The following CHN2 variants were observed in gnomAD, a reference collection of about 807,000 sequenced individuals.
CHN2 encodes chimerin 2.
Under a neutral mutation model 56.3 loss-of-function variants are expected in CHN2, and 35 were observed. The observed-to-expected ratio is 0.62, with a 90% CI of 0.47 to 0.82. The LOEUF (loss-of-function observed/expected upper bound fraction) is 0.82. Among genes scored for constraint, CHN2 ranks in the 40% least tolerant of loss-of-function variants. CHN2 has a pLI of 0.00. For synonymous variants in CHN2, 210 were observed against 212.8 expected, an observed-to-expected ratio of 0.99 and a Z score of 0.12; for missense variants, 491 against 580.5, an observed-to-expected ratio of 0.85 and a Z score of 1.58.
Position 29,400,583 on chromosome 7 carries a change from G to A in CHN2, c.331G>A (p.Gly111Arg), listed in dbSNP as rs751272925. 1.1e-5 allele frequency: 17 copies of A among 1,614,014 alleles called. No homozygotes were observed. Among genetic ancestry groups the A allele is most frequent in the Non-Finnish European group, 1.4e-5 (16 of 1,180,046 alleles). Residue 111 changes from glycine to arginine, a missense_variant, in exon 6 of 13, where the codon GGG (glycine) becomes AGG (arginine). Physicochemically the swap from Gly to Arg is moderately radical, Grantham distance 125 (BLOSUM62 -2). Coordinates refer to ENST00000222792, the MANE Select transcript of CHN2 (RefSeq NM_004067.4). ...QTLNYRLFHD[G>R]KHFVGEKRFE... ...CTTAAACTACAGGCTCTTCCACGAC[G>A]GGAAACACTTTGTGGGTGAGAAGAG...
At chr7:29,162,158 A>G (rs1293116420) in intron 2 of CHN2, among the ~76,000 whole-genome samples, 1 of 152,232 alleles carries the variant, frequency 6.6e-6, no homozygotes, top group African/African-American at 2.4e-5. Flanking sequence ...ACTGAACAAC[A>G]GTACCTCTGG....
intron 1 of CHN2, among the ~76,000 whole-genome samples, chr7:29,211,961 A>C (rs116808135): frequency 6.6e-6 from 1 of 152,178 alleles, no homozygotes; most frequent in African/African-American, 2.4e-5. Flanking sequence ...TTACCATCCA[A>C]CTTCAACAAT....
chr7:29,433,646 G>A (rs1423652976), intron 6 of CHN2, among the ~76,000 whole-genome samples: 2 of 152,080 alleles, frequency 1.3e-5, no homozygotes, highest in Admixed American at 6.5e-5. Context: ...AGACCAGCCT[G>A]GACAACATGG....
intron 6 of CHN2, among the ~76,000 whole-genome samples, chr7:29,462,115 A>C (rs1486404200): frequency 6.6e-6 from 1 of 152,250 alleles, no homozygotes; most frequent in African/African-American, 2.4e-5. Context: ...GCCAAAATAC[A>C]AATGCATTCT....
At chr7:29,183,888 C>T (rs2128745831) in intron 2 of CHN2, among the ~76,000 whole-genome samples, 1 of 152,066 alleles carries the variant, frequency 6.6e-6, no homozygotes, top group Middle Eastern at 3.4e-3. Context: ...ATAAAAATTA[C>T]AAACAACAAT....
chr7:29,263,690 G>C (rs1789788080), intron 1 of CHN2, among the ~76,000 whole-genome samples: 2 of 151,568 alleles, frequency 1.3e-5, no homozygotes, highest in Admixed American at 6.6e-5. Flanking sequence ...ATCCCGTCTA[G>C]GAAGTGAGGA....
intron 1 of CHN2, among the ~76,000 whole-genome samples, chr7:29,202,470 C>A (rs1784233328): frequency 6.6e-6 from 1 of 152,122 alleles, no homozygotes; most frequent in Non-Finnish European, 1.5e-5. Flanking sequence ...TCAAGTGCAA[C>A]AAAATGGGAA....
rs983369091 is a variant in CHN2 at position 29,399,979 on chromosome 7, A to T, written c.291-564A>T. ...GACACTGGCAACAGCTCCAGCAGGG[A>T]GTTTAGCACACCTTATTGCTTCCCT... On this transcript the variant is annotated intron_variant, in intron 5 of 12. Coordinates refer to ENST00000222792, the MANE Select transcript of CHN2 (RefSeq NM_004067.4). Among the ~76,000 whole-genome samples, 7 of 152,068 alleles carry T rather than the reference A, an allele frequency of 4.6e-5. No homozygotes were observed. The South Asian group carries it at 1.0e-3, about 23-fold the overall frequency.
chr7:29,235,768 A>C (rs1787145088), intron 1 of CHN2, among the ~76,000 whole-genome samples: 1 of 152,190 alleles, frequency 6.6e-6, no homozygotes, highest in Admixed American at 6.5e-5. Flanking sequence ...CCATTATCTT[A>C]AGTAAATTCA....
Position 29,164,314 on chromosome 7 carries a change from A to T in CHN2, c.274+17354A>T, listed in dbSNP as rs372859662. 2.4e-4 allele frequency among the ~76,000 whole-genome samples: 37 copies of T among 152,064 alleles called. No homozygotes were observed. The East Asian group carries it at 6.8e-3, about 28-fold the overall frequency. Reference sequence around the variant, plus strand: ...TTCTTTTTTGTAAAATGTCTATTTGATTTTTGCACAGTATTTTAATTAGGT... The same window carrying T: ...TTCTTTTTTGTAAAATGTCTATTTGTTTTTTGCACAGTATTTTAATTAGGT... On this transcript the variant is annotated intron_variant, in intron 2 of 6. Transcript: ENST00000439384.
chr7:29,496,408 G>A (rs1308151581), intron 8 of CHN2, among the ~76,000 whole-genome samples: 2 of 151,696 alleles, frequency 1.3e-5, no homozygotes, highest in African/African-American at 2.4e-5. Flanking sequence ...CATAAAAATA[G>A]TAATAGTGCT....
At chr7:29,283,426 C>T (rs1791888065) in intron 1 of CHN2, among the ~76,000 whole-genome samples, 1 of 152,118 alleles carries the variant, frequency 6.6e-6, no homozygotes, top group African/African-American at 2.4e-5. Context: ...CTCTCCCCTT[C>T]CATGTGGACA....
chr7:29,186,026 G>A (rs1011478998), intron 2 of CHN2, among the ~76,000 whole-genome samples: 1 of 152,202 alleles, frequency 6.6e-6, no homozygotes, highest in African/African-American at 2.4e-5. Flanking sequence ...GTTTGAGTAA[G>A]TTTAAGAAGT....
intron 1 of CHN2, among the ~76,000 whole-genome samples, chr7:29,280,150 G>A (rs1269072832): frequency 9.2e-5 from 14 of 152,154 alleles, no homozygotes; most frequent in African/African-American, 3.4e-4. Flanking sequence ...TTGGGAGGCT[G>A]AGGCGGGTGG....
At chr7:29,191,949 C>T (rs1410083161), upstream of CHN2, 2 of 152,254 alleles carry the variant, frequency 1.3e-5, no homozygotes, top group African/African-American at 2.4e-5. Flanking sequence ...AGCCAGCCTT[C>T]AGGCTCCTGA....
intron 8 of CHN2, among the ~76,000 whole-genome samples, chr7:29,499,108 G>A (rs1202261794): frequency 6.6e-6 from 1 of 152,182 alleles, no homozygotes; most frequent in African/African-American, 2.4e-5. Context: ...GATATTGACT[G>A]CTAACAGGCT....
At chr7:29,163,085 A>T (rs1368651566) in intron 2 of CHN2, among the ~76,000 whole-genome samples, 1 of 152,146 alleles carries the variant, frequency 6.6e-6, no homozygotes, top group Non-Finnish European at 1.5e-5. Context: ...GATTCATGGG[A>T]TCTGTTTATA....
chr7:29,487,845 G>T (rs992574534), intron 7 of CHN2, among the ~76,000 whole-genome samples: 1 of 152,170 alleles, frequency 6.6e-6, no homozygotes, highest in Non-Finnish European at 1.5e-5. Flanking sequence ...AAAGAGTTGT[G>T]CAGCCCTAAA....
At chr7:29,260,302 C>A (rs1789429662) in intron 1 of CHN2, among the ~76,000 whole-genome samples, 1 of 152,112 alleles carries the variant, frequency 6.6e-6, no homozygotes, top group Non-Finnish European at 1.5e-5. Context: ...GGATTTGAGT[C>A]ATGTCAGTGC....
Sources: allele counts gnomAD v4.1 joint callset (sites outside exome capture counted in the v4.1 genomes callset), GRCh38; gene constraint gnomAD v4.1.1; transcripts MANE v1.5; gene names NCBI Gene and HGNC (gene_info 2026-07-23, HGNC 2026-07-21).